Variants in SAMD4A observed in about 807,000 individuals in gnomAD.
SAMD4A encodes sterile alpha motif domain containing 4A, also known as protein Smaug homolog 1.
In SAMD4A, 33 loss-of-function variants were observed where a neutral mutation model predicts 81.3. The ratio of observed to expected loss-of-function variants is 0.41; its 90% CI spans 0.31 to 0.54. The LOEUF (loss-of-function observed/expected upper bound fraction) is 0.54, where lower values mean the gene tolerates loss of function less well. Ranked by LOEUF, SAMD4A falls within the 20% of genes least tolerant of loss-of-function variation. The pLI is 0.37. For synonymous variants in SAMD4A, 389 were observed against 382.1 expected, an observed-to-expected ratio of 1.02 and a Z score of -0.21; for missense variants, 854 against 951.1, an observed-to-expected ratio of 0.90 and a Z score of 1.34.
chr14:54,792,658 C>T lies in SAMD4A; in HGVS notation c.*3714C>T, dbSNP rs2039279492. On this transcript the variant is annotated 3_prime_UTR_variant, in exon 13 of 13. Transcript: ENST00000554335. Reference sequence around the variant, plus strand: ...CAGGTGTGCCTGTTACAAGAAGAACCTGCAGAAGGATAATTTGCACATGGA... The same window carrying T: ...CAGGTGTGCCTGTTACAAGAAGAACTTGCAGAAGGATAATTTGCACATGGA... The T allele has an allele frequency of 6.6e-6, 1 of 152,066 alleles. No individual in the cohort carries two copies. The highest frequency in any genetic ancestry group is 1.9e-4 in the East Asian group (1 of 5,198). The allele number at this position is 152,066 out of a possible 1,614,324, so 9.4% of individuals were successfully genotyped here.
At position 54,724,337 on chromosome 14, in the gene SAMD4A, G is replaced by C. The variant is rs149399021; in HGVS notation, c.716-12687G>C. Among the ~76,000 whole-genome samples the C allele has an allele frequency of 4.6e-3, 708 of 152,292 alleles. 7 individuals carry two copies. The highest frequency in any genetic ancestry group is 0.016 in the African/African-American group (674 of 41,560). On this transcript the variant is annotated intron_variant, in intron 3 of 12. Transcript: ENST00000554335. Reference sequence around the variant, plus strand: ...CTCTGGCTCTTTCCACTGCTCAGCTGTCTGAGCTTTGACAAGTCAGCTATC... The same window carrying C: ...CTCTGGCTCTTTCCACTGCTCAGCTCTCTGAGCTTTGACAAGTCAGCTATC...
intron 2 of SAMD4A, among the ~76,000 whole-genome samples, chr14:54,700,330 G>A (rs1355337924): frequency 2.0e-5 from 3 of 152,304 alleles, no homozygotes; most frequent in Non-Finnish European, 4.4e-5. Context: ...AAATTAAATG[G>A]CATGTCTGGG....
chr14:54,748,874 A>G lies in SAMD4A; in HGVS notation c.1039A>G (p.Met347Val). 1 of 1,555,450 alleles carries G rather than the reference A, an allele frequency of 6.4e-7. No homozygotes were observed. The highest frequency in any genetic ancestry group is 1.2e-5 in the South Asian group (1 of 84,278). The change falls in exon 5 of 13, where the codon ATG becomes GTG. Residue 347 changes from methionine (M) to valine (V), a missense_variant. Physicochemically the swap from Met to Val is conservative, Grantham distance 21. This residue lies in a region of SAMD4A where 39 missense variants were observed against 74.1 expected (regional missense o/e 0.53). Transcript: ENST00000554335. ...CAAATATGCCGCGCTTTTCTCCCAG[A>G]TGACCTATGAGGAGATGATGGCCCT... Reference protein sequence around the residue: ...LHKYAALFSQMTYEEMMALTE... With the variant: ...LHKYAALFSQVTYEEMMALTE...
intron 2 of SAMD4A, among the ~76,000 whole-genome samples, chr14:54,601,316 A>G (rs2034046863): frequency 1.3e-5 from 2 of 151,926 alleles, no homozygotes; most frequent in South Asian, 4.2e-4. Flanking sequence ...CTTTATTTCA[A>G]CTATCCTGCT....
chr14:54,656,422 C>T (rs550607817), intron 2 of SAMD4A, among the ~76,000 whole-genome samples: 1 of 152,284 alleles, frequency 6.6e-6, no homozygotes, highest in East Asian at 1.9e-4. Flanking sequence ...CTTTCTAGGT[C>T]ACCACCTTTT....
chr14:54,575,450 T>G (rs1423162376), intron 2 of SAMD4A, among the ~76,000 whole-genome samples: 1 of 152,256 alleles, frequency 6.6e-6, no homozygotes, highest in African/African-American at 2.4e-5. Context: ...TGAGTCTCTC[T>G]ACAGTTTTCT....
intron 2 of SAMD4A, among the ~76,000 whole-genome samples, chr14:54,675,165 A>G (rs771447706): frequency 9.2e-5 from 14 of 152,118 alleles, no homozygotes; most frequent in Non-Finnish European, 1.9e-4. Context: ...CAGGAGTTCG[A>G]GACCAGCTTG....
At chr14:54,697,419 C>A (rs6572968) in intron 2 of SAMD4A, among the ~76,000 whole-genome samples, 129,863 of 151,964 alleles carry the variant, frequency 0.85, 56,405 homozygotes, top group Non-Finnish European at 0.94. Flanking sequence ...GTTGCCCTGA[C>A]AAATCATTAT....
intron 2 of SAMD4A, among the ~76,000 whole-genome samples, chr14:54,577,721 TTC>T (rs954766691): frequency 3.9e-5 from 6 of 152,202 alleles, no homozygotes; most frequent in Admixed American, 3.9e-4. Context: ...CAGGAGGCAG[TTC>T]TGGGTACACA....
intron 3 of SAMD4A, 31 bp downstream of exon 3, chr14:54,702,611 C>T: frequency 1.9e-6 from 3 of 1,606,762 alleles, no homozygotes; most frequent in Non-Finnish European, 2.6e-6. Context: ...TTAACGTAGT[C>T]TGGTTTGGCG....
intron 2 of SAMD4A, among the ~76,000 whole-genome samples, chr14:54,641,023 C>T (rs1345434566): frequency 2.6e-5 from 4 of 152,174 alleles, no homozygotes; most frequent in Non-Finnish European, 4.4e-5. Flanking sequence ...CCTTTCAGTC[C>T]TGCTCAATAA....
At chr14:54,737,835 T>A (rs1168230100) in intron 4 of SAMD4A, among the ~76,000 whole-genome samples, 1 of 152,170 alleles carries the variant, frequency 6.6e-6, no homozygotes, top group Non-Finnish European at 1.5e-5. Flanking sequence ...TTAAGGGACA[T>A]GAAAATACCA....
At chr14:54,739,463 C>T (rs569565194) in intron 4 of SAMD4A, among the ~76,000 whole-genome samples, 8 of 150,832 alleles carry the variant, frequency 5.3e-5, no homozygotes, top group African/African-American at 1.7e-4. Context: ...TCCCTTCTTC[C>T]AAGAACTTCC....
At chr14:54,589,600 T>C (rs114733282) in intron 2 of SAMD4A, among the ~76,000 whole-genome samples, 34 of 152,332 alleles carry the variant, frequency 2.2e-4, no homozygotes, top group African/African-American at 6.7e-4. Flanking sequence ...TGTTATTCAC[T>C]CATTCATTCA....
In SAMD4A at chr14:54,567,643, ATT is replaced by A. The variant is rs1200898919; in HGVS notation, c.-270_-269del. 2.2e-6 allele frequency: 1 copy of A among 459,794 alleles called. No individual in the cohort carries two copies. Among genetic ancestry groups the A allele is most frequent in the Non-Finnish European group, 3.8e-6 (1 of 265,140 alleles). 28.5% of individuals were successfully genotyped at this position (459,794 alleles called of 1,614,324 possible). On this transcript the variant is annotated 5_prime_UTR_variant, in exon 2 of 13. Transcript: ENST00000554335. ...CATTCAGTTGTGTGCCTTGTGGGGG[ATT>A]TTTAAAAAGTCGTTTTTTTTTTTAA... is the stretch of plus-strand genomic sequence containing the variant.
At chr14:54,678,605 G>A (rs1034710883) in intron 2 of SAMD4A, among the ~76,000 whole-genome samples, 1 of 150,804 alleles carries the variant, frequency 6.6e-6, no homozygotes, top group Non-Finnish European at 1.5e-5. Context: ...CCGGAGTGCA[G>A]CGGCGCGATC....
Position 54,727,166 on chromosome 14 carries a change from C to CTTTTT in SAMD4A, c.716-9821_716-9817dup, listed in dbSNP as rs567831973. On this transcript the variant is annotated intron_variant, in intron 3 of 12. Coordinates refer to ENST00000554335, the MANE Select transcript of SAMD4A (RefSeq NM_015589.6). ...TTATCACAACAGCCTTCTTTTTTTC[C>CTTTTT]TTTTTTTTTTTTTTTTTTTTTTTTT... 6.2e-3 allele frequency among the ~76,000 whole-genome samples: 369 copies of CTTTTT among 59,200 alleles called. 56 individuals are homozygous for CTTTTT. The highest frequency in any genetic ancestry group is 9.3e-3 in the Non-Finnish European group (278 of 29,794). 38.8% of individuals were successfully genotyped at this position (59,200 alleles called of 152,430 possible).
intron 2 of SAMD4A, among the ~76,000 whole-genome samples, chr14:54,626,182 A>T (rs183423736): frequency 6.6e-6 from 1 of 152,090 alleles, no homozygotes; most frequent in African/African-American, 2.4e-5. Context: ...TTTAATTAAC[A>T]TCCTGTTTTA....
In SAMD4A at chr14:54,789,245, G is replaced by A. The variant is rs2039217814; in HGVS notation, c.*301G>A. ...GTGGAGGGAATGCAGGTAGCTCTCT[G>A]GATGGAACGGGGACAGGGGAAAGAG... On this transcript the variant is annotated 3_prime_UTR_variant, in exon 13 of 13. Transcript: ENST00000554335. 3.9e-6 allele frequency: 2 copies of A among 510,942 alleles called. No individual in the cohort carries two copies. Among genetic ancestry groups the A allele is most frequent in the Non-Finnish European group, 7.1e-6 (2 of 281,932 alleles). 31.7% of individuals were successfully genotyped at this position (510,942 alleles called of 1,614,324 possible).
Sources: allele counts gnomAD v4.1 joint callset (sites outside exome capture counted in the v4.1 genomes callset), GRCh38; gene constraint gnomAD v4.1.1; regional missense constraint gnomAD v4.1.1; transcripts MANE v1.5; gene names NCBI Gene and HGNC (gene_info 2026-07-23, HGNC 2026-07-21).